THEM4: variants seen among roughly 807,000 people sequenced by gnomAD.
THEM4 encodes the protein acyl-coenzyme A thioesterase THEM4.
Under a neutral mutation model 25.0 loss-of-function variants are expected in THEM4, and 22 were observed. The observed-to-expected ratio is 0.88, with a 90% CI of 0.63 to 1.26. THEM4 has a LOEUF of 1.26. THEM4 is among the 50% of genes most tolerant of loss of function. THEM4 has a pLI of 0.00. For synonymous variants in THEM4, 113 were observed against 105.6 expected (o/e 1.07, Z -0.43); for missense variants, 286 against 300.3 (o/e 0.95, Z 0.35).
At chr1:151,877,249 G>A (rs925698629) in intron 4 of THEM4, 124 bp from the exon 5 acceptor site, 55 of 980,164 alleles carry the variant, frequency 5.6e-5, no homozygotes, top group Non-Finnish European at 4.4e-6. Flanking sequence ...AGCACTGACT[G>A]CCTTAGACAA....
At chr1:151,878,166 C>T (rs1653729927) in intron 4 of THEM4, among the ~76,000 whole-genome samples, 1 of 152,180 alleles carries the variant, frequency 6.6e-6, no homozygotes, top group African/African-American at 2.4e-5. Context: ...CCATCCCCTA[C>T]CCTCCCTTCA....
intron 1 of THEM4, among the ~76,000 whole-genome samples, chr1:151,904,341 A>C (rs1323450275): frequency 1.3e-5 from 2 of 152,216 alleles, no homozygotes; most frequent in Admixed American, 6.5e-5. Context: ...CAAGGACAAA[A>C]ATATATGTAT....
chr1:151,872,786 A>G lies in THEM4; in HGVS notation c.*2102T>C, dbSNP rs1436998363. Among the ~76,000 whole-genome samples the G allele has an allele frequency of 6.6e-6, 1 of 152,130 alleles. No individual in the cohort carries two copies. Among genetic ancestry groups the G allele is most frequent in the Non-Finnish European group, 1.5e-5 (1 of 68,022 alleles). ...CTCCATTCTCAATTAACCAGGGGCA[A>G]AATGCACTGTGGAAAGCCGCAGGGA... On this transcript the variant is annotated 3_prime_UTR_variant, in exon 6 of 6. Coordinates refer to ENST00000368814, the MANE Select transcript of THEM4 (RefSeq NM_053055.5).
At chr1:151,907,128 C>T (rs1057139169) in intron 1 of THEM4, among the ~76,000 whole-genome samples, 1 of 151,902 alleles carries the variant, frequency 6.6e-6, no homozygotes, top group Non-Finnish European at 1.5e-5. Context: ...AACGAGACCA[C>T]AAACCCACCG....
chr1:151,900,031 C>A (rs1435950974), intron 1 of THEM4, among the ~76,000 whole-genome samples: 3 of 152,158 alleles, frequency 2.0e-5, no homozygotes, highest in Non-Finnish European at 4.4e-5. Context: ...AATTATCAGC[C>A]AAGAATTCTG....
rs1654139596 is a variant in THEM4 at position 151,893,424 on chromosome 1, AAAAGAGAGAGAGAGAGAGAGACTGG to A, written c.286+1559_286+1583del. On this transcript the variant is annotated intron_variant, in intron 2 of 5. Transcript: ENST00000368814. ...ACAACAAAACAAAAAAACCCAAAAC[AAAAGAGAGAGAGAGAGAGAGACTGG>A]GAAGAGAGAAATGCAGTTGTGGCAT... Among the ~76,000 whole-genome samples the A allele has an allele frequency of 1.6e-4, 4 of 25,282 alleles. No homozygotes were observed. The South Asian group carries it at 5.8e-3, about 36-fold the overall frequency. The allele number at this position is 25,282 out of a possible 152,430, so 16.6% of individuals were successfully genotyped here. A position where few individuals can be genotyped will look rare whatever the true frequency, so the allele number is the denominator to read the frequency against.
chr1:151,889,621 C>G (rs576829463), intron 2 of THEM4: 83 of 417,408 alleles, frequency 2.0e-4, no homozygotes, highest in African/African-American at 9.2e-4. Flanking sequence ...AGTACCCACA[C>G]ATGGCAATCA....
Position 151,909,399 on chromosome 1 carries a change from T to G in THEM4, c.60A>C (p.Val20=). Residue 20 remains valine (V), a synonymous_variant, in exon 1 of 6, where the codon GTA becomes GTC. Transcript: ENST00000368814. The stretch of plus-strand genomic sequence containing the variant: ...GCTCGCTTCCCGGCAGGCGCCGGCC[T>G]ACTGGCGGCAGGCACAGAGCCCCCA... ...RTLGALCLPP[V]GRRLPGSEPR... 6.6e-7 allele frequency: 1 copy of G among 1,505,162 alleles called. No individual in the cohort carries two copies. The highest frequency in any genetic ancestry group is 8.8e-7 in the Non-Finnish European group (1 of 1,133,606). The allele number at this position is 1,505,162 out of a possible 1,614,324, so 93.2% of individuals were successfully genotyped here. A position where few individuals can be genotyped will look rare whatever the true frequency, so the allele number is the denominator to read the frequency against.
chr1:151,877,857 T>A (rs1047165222), intron 4 of THEM4, among the ~76,000 whole-genome samples: 1 of 152,174 alleles, frequency 6.6e-6, no homozygotes, highest in Non-Finnish European at 1.5e-5. Flanking sequence ...AAAGGATATC[T>A]CTTTAAAAGT....
chr1:151,894,800 GT>G, intron 2 of THEM4: 1 of 628,180 alleles, frequency 1.6e-6, no homozygotes, highest in Non-Finnish European at 2.8e-6. Flanking sequence ...GAATGCCAGG[GT>G]GGGAGCAGTC....
chr1:151,906,419 C>T (rs895034977), intron 1 of THEM4, among the ~76,000 whole-genome samples: 12 of 152,374 alleles, frequency 7.9e-5, no homozygotes, highest in Admixed American at 2.0e-4. Context: ...GAGCCTCCCA[C>T]GCCCTCCGTG....
chr1:151,900,248 T>A (rs966838241), intron 1 of THEM4, among the ~76,000 whole-genome samples: 1 of 151,546 alleles, frequency 6.6e-6, no homozygotes, highest in Non-Finnish European at 1.5e-5. Context: ...AAAATACAAG[T>A]TAAAAAGCAA....
At chr1:151,904,820 T>C (rs189156562) in intron 1 of THEM4, among the ~76,000 whole-genome samples, 3 of 152,010 alleles carry the variant, frequency 2.0e-5, no homozygotes, top group East Asian at 1.9e-4. Flanking sequence ...CTAGGGTGAA[T>C]AGAATGAAAA....
chr1:151,909,404 G>A lies in THEM4; in HGVS notation c.55C>T (p.Pro19Ser). ...CTTCCCGGCAGGCGCCGGCCTACTGGCGGCAGGCACAGAGCCCCCAGCGTG... is the reference window on the plus strand; with the variant it reads ...CTTCCCGGCAGGCGCCGGCCTACTGACGGCAGGCACAGAGCCCCCAGCGTG... ...LRTLGALCLP[P>S]VGRRLPGSEP... The change falls in exon 1 of 6, where the codon CCA (proline) becomes TCA (serine). Residue 19 changes from proline to serine, a missense_variant. Coordinates refer to ENST00000368814, the MANE Select transcript of THEM4 (RefSeq NM_053055.5). 1 of 1,504,742 alleles carries A rather than the reference G, an allele frequency of 6.6e-7. No individual in the cohort carries two copies. The allele number at this position is 1,504,742 out of a possible 1,614,324, so 93.2% of individuals were successfully genotyped here. A position where few individuals can be genotyped will look rare whatever the true frequency, so the allele number is the denominator to read the frequency against.
At chr1:151,885,242 C>G (rs1653940662) in intron 4 of THEM4, among the ~76,000 whole-genome samples, 1 of 152,132 alleles carries the variant, frequency 6.6e-6, no homozygotes. Flanking sequence ...CCTCAGCCCC[C>G]CAAATAGCTG....
chr1:151,899,487 A>C (rs540202559), intron 1 of THEM4, among the ~76,000 whole-genome samples: 92 of 151,942 alleles, frequency 6.1e-4, no homozygotes, highest in African/African-American at 2.2e-3. Context: ...TGAGTCAAAA[A>C]AAAAAAAAAA....
chr1:151,890,200 C>T lies in THEM4; in HGVS notation c.287-827G>A, dbSNP rs370944596. ...GATTATAGGCGTGAGCCACAGCGCC[C>T]GGCCATTAACCAGGCTTTAAAAAGA... On this transcript the variant is annotated intron_variant, in intron 2 of 5. Transcript: ENST00000368814. The T allele has an allele frequency of 2.5e-4, 114 of 457,412 alleles. 3 individuals carry two copies. The highest frequency in any genetic ancestry group is 1.4e-3 in the South Asian group (92 of 64,516). The allele number at this position is 457,412 out of a possible 1,614,324, so 28.3% of individuals were successfully genotyped here.
At chr1:151,876,906 C>T in intron 5 of THEM4, 95 bp downstream of exon 5, 1 of 1,457,630 alleles carries the variant, frequency 6.9e-7, no homozygotes, top group East Asian at 2.4e-5. Context: ...CCCCCCTGAC[C>T]CCCACAAAAC....
At chr1:151,907,826 CAGTT>C (rs1572086030) in intron 1 of THEM4, among the ~76,000 whole-genome samples, 1 of 152,230 alleles carries the variant, frequency 6.6e-6, no homozygotes, top group South Asian at 2.1e-4. Context: ...ACTCACAAGA[CAGTT>C]GGGTGGGGTA....
Sources: allele counts gnomAD v4.1 joint callset (sites outside exome capture counted in the v4.1 genomes callset), GRCh38; gene constraint gnomAD v4.1.1; transcripts MANE v1.5; gene names NCBI Gene and HGNC (gene_info 2026-07-23, HGNC 2026-07-21).